Variants in PMFBP1 observed in about 807,000 individuals in gnomAD.
PMFBP1 encodes polyamine-modulated factor 1-binding protein 1.
Under a neutral mutation model 137.8 loss-of-function variants are expected in PMFBP1, and 131 were observed. That is an observed-to-expected ratio of 0.95 (90% CI 0.82 to 1.10). PMFBP1 has a LOEUF of 1.10. Among genes scored for constraint, PMFBP1 ranks in the 50% least tolerant of loss-of-function variants. PMFBP1 has a pLI of 0.00. For synonymous variants in PMFBP1, 490 were observed against 450.4 expected (o/e 1.09, Z -1.11); for missense variants, 1,199 against 1,175.4 (o/e 1.02, Z -0.29).
At chr16:72,166,911 T>A (rs1048871730) in intron 2 of PMFBP1, among the ~76,000 whole-genome samples, 1 of 152,184 alleles carries the variant, frequency 6.6e-6, no homozygotes, top group Non-Finnish European at 1.5e-5. Flanking sequence ...AGACAGGGGA[T>A]AGGTGCATGG....
chr16:72,227,936 T>C, the PMFBP1 span, among the ~76,000 whole-genome samples: 1 of 152,240 alleles, frequency 6.6e-6, no homozygotes, highest in Non-Finnish European at 1.5e-5. Context: ...ATTTAGGTTG[T>C]TTCCAGTTAT....
chr16:72,175,756 A>C (rs1037324593), upstream of PMFBP1, among the ~76,000 whole-genome samples: 4 of 152,192 alleles, frequency 2.6e-5, no homozygotes, highest in African/African-American at 9.7e-5. Context: ...ATTTTTCTCC[A>C]ATGTTCTACC....
At chr16:72,222,259 A>G in the PMFBP1 span, among the ~76,000 whole-genome samples, 2 of 152,134 alleles carry the variant, frequency 1.3e-5, no homozygotes, top group East Asian at 3.9e-4. Context: ...GGCACTCACC[A>G]CCATGCCTGG....
the PMFBP1 span, among the ~76,000 whole-genome samples, chr16:72,190,017 GA>G: frequency 1.3e-5 from 2 of 151,810 alleles, no homozygotes; most frequent in Non-Finnish European, 1.5e-5. Flanking sequence ...GCAAAATTCT[GA>G]AAAAAAATCT....
In PMFBP1 at chr16:72,146,640, C is replaced by A. The variant is rs544949944; in HGVS notation, c.636+3968G>T. On this transcript the variant is annotated intron_variant, in intron 5 of 20. Transcript: ENST00000237353. ...TTAGAAAACCCCATCGTCTCAGCCCCAAATCTCTTTAAGCTGATAAACAAC... is the reference window on the plus strand; with the variant it reads ...TTAGAAAACCCCATCGTCTCAGCCCAAAATCTCTTTAAGCTGATAAACAAC... Among the ~76,000 whole-genome samples the A allele has an allele frequency of 6.6e-5, 10 of 152,234 alleles. 1 individual carries two copies. The highest frequency in any genetic ancestry group is 3.4e-3 in the Middle Eastern group (1 of 294).
At chr16:72,162,903 T>C (rs1460229130) in intron 3 of PMFBP1, among the ~76,000 whole-genome samples, 1 of 152,234 alleles carries the variant, frequency 6.6e-6, no homozygotes, top group African/African-American at 2.4e-5. Context: ...CTTCCTGAGA[T>C]CCATTTAGGA....
At position 72,133,005 on chromosome 16, in the gene PMFBP1, A is replaced by T; in HGVS notation, c.1204-14T>A. Reference sequence around the variant, plus strand: ...CTCTTGGAGGAACTGAAGACAGCAAAATGCAAATGCTGGGAAAGGTCTGAG... The same window carrying T: ...CTCTTGGAGGAACTGAAGACAGCAATATGCAAATGCTGGGAAAGGTCTGAG... On this transcript the variant is annotated splice_polypyrimidine_tract_variant and intron_variant, in intron 9 of 20. Transcript: ENST00000237353. 6.2e-7 allele frequency: 1 copy of T among 1,613,500 alleles called. No homozygotes were observed. The highest frequency in any genetic ancestry group is 8.5e-7 in the Non-Finnish European group (1 of 1,179,750).
the PMFBP1 span, among the ~76,000 whole-genome samples, chr16:72,195,419 C>T: frequency 1.3e-5 from 2 of 152,114 alleles, no homozygotes; most frequent in Admixed American, 6.6e-5. Context: ...GAATCTCTTG[C>T]ACTTCTAACA....
At chr16:72,144,947 C>G (rs2042782546) in intron 5 of PMFBP1, among the ~76,000 whole-genome samples, 1 of 152,138 alleles carries the variant, frequency 6.6e-6, no homozygotes, top group Non-Finnish European at 1.5e-5. Context: ...CTTTAACACT[C>G]CACTGTCAAT....
At chr16:72,194,197 ATATT>A in the PMFBP1 span, among the ~76,000 whole-genome samples, 1 of 152,088 alleles carries the variant, frequency 6.6e-6, no homozygotes, top group Non-Finnish European at 1.5e-5. Context: ...TTCAACATCT[ATATT>A]TAAAAGTCTT....
intron 14 of PMFBP1, among the ~76,000 whole-genome samples, chr16:72,127,016 T>C (rs1366590627): frequency 6.6e-6 from 1 of 152,200 alleles, no homozygotes; most frequent in Non-Finnish European, 1.5e-5. Context: ...AAACTAGCCT[T>C]CTTATATACT....
At chr16:72,244,366 G>A in the PMFBP1 span, among the ~76,000 whole-genome samples, 2 of 152,314 alleles carry the variant, frequency 1.3e-5, no homozygotes, top group South Asian at 4.1e-4. Context: ...TCCCTGTTAT[G>A]TGTAAGTGGG....
chr16:72,160,578 AT>A (rs999278877), intron 3 of PMFBP1, among the ~76,000 whole-genome samples: 7 of 147,522 alleles, frequency 4.7e-5, no homozygotes, highest in South Asian at 2.2e-4. Context: ...ATCCCTAATG[AT>A]TTTTTTTTTC....
At chr16:72,188,308 T>C in the PMFBP1 span, among the ~76,000 whole-genome samples, 1 of 152,204 alleles carries the variant, frequency 6.6e-6, no homozygotes, top group Non-Finnish European at 1.5e-5. Flanking sequence ...TAAAGATGTT[T>C]TCCTAGGAAG....
intron 4 of PMFBP1, among the ~76,000 whole-genome samples, 167 bp from the exon 5 acceptor site, chr16:72,150,996 G>A (rs1268120589): frequency 2.0e-5 from 3 of 152,190 alleles, no homozygotes; most frequent in Non-Finnish European, 4.4e-5. Context: ...ATATCAAGAT[G>A]CTAATGATTG....
chr16:72,156,319 G>C (rs761679455), intron 3 of PMFBP1, among the ~76,000 whole-genome samples: 3 of 147,912 alleles, frequency 2.0e-5, no homozygotes, highest in Non-Finnish European at 4.5e-5. Flanking sequence ...CCAGGTTGCG[G>C]CAAGAATCAG....
chr16:72,148,336 C>G (rs573510174), intron 5 of PMFBP1, among the ~76,000 whole-genome samples: 3 of 108,310 alleles, frequency 2.8e-5, no homozygotes, highest in African/African-American at 3.6e-5. Flanking sequence ...CACATGGATA[C>G]GGGGCAGGGA....
In PMFBP1 at chr16:72,123,591, T is replaced by C. The variant is rs1193270256; in HGVS notation, c.2648A>G (p.Asn883Ser). The change falls in exon 18 of 21, where the codon AAT becomes AGT. Residue 883 changes from asparagine to serine, a missense_variant. Coordinates refer to ENST00000237353, the MANE Select transcript of PMFBP1 (RefSeq NM_031293.3). ...PKDTCRLYRG[N>S]DQIMTNLEQW... ...CTCCAAGTTGGTCATAATCTGATCATTCCCTCGGTAGAGCCTACAGGTGTC... is the reference window on the plus strand; with the variant it reads ...CTCCAAGTTGGTCATAATCTGATCACTCCCTCGGTAGAGCCTACAGGTGTC... 6.2e-7 allele frequency: 1 copy of C among 1,613,724 alleles called. No individual in the cohort carries two copies. Among genetic ancestry groups the C allele is most frequent in the Admixed American group, 1.7e-5 (1 of 59,998 alleles).
chr16:72,143,255 T>C (rs1407176634), intron 5 of PMFBP1, among the ~76,000 whole-genome samples: 1 of 152,158 alleles, frequency 6.6e-6, no homozygotes, highest in Non-Finnish European at 1.5e-5. Context: ...TCCTTTAAAA[T>C]GAGGAGCAAG....
Sources: allele counts gnomAD v4.1 joint callset (sites outside exome capture counted in the v4.1 genomes callset), GRCh38; gene constraint gnomAD v4.1.1; transcripts MANE v1.5; gene names NCBI Gene and HGNC (gene_info 2026-07-23, HGNC 2026-07-21).